The following DCP2 variants were observed in gnomAD, a reference collection of about 807,000 sequenced individuals.
DCP2 encodes the protein decapping mRNA 2.
A neutral mutation model predicts 56.1 loss-of-function variants in DCP2; 30 were observed. The observed-to-expected ratio is 0.53, with a 90% confidence interval of 0.40 to 0.73. DCP2 has a LOEUF of 0.73. DCP2 is among the 30% of genes least tolerant of loss of function. The pLI, the probability that DCP2 is intolerant of heterozygous loss-of-function variation, is 0.00. For missense variants in DCP2, 533 were observed against 502.7 expected, an observed-to-expected ratio of 1.06 and a Z score of -0.58; for synonymous variants, 197 against 163.3, an observed-to-expected ratio of 1.21 and a Z score of -1.57.
intron 4 of DCP2, among the ~76,000 whole-genome samples, chr5:112,997,832 C>G (rs964522285): frequency 1.3e-5 from 2 of 152,096 alleles, no homozygotes; most frequent in African/African-American, 4.8e-5. Flanking sequence ...CCAGGCTGGT[C>G]TTGAACTCCT....
At chr5:112,991,728 T>C (rs1415403244) in intron 2 of DCP2, among the ~76,000 whole-genome samples, 1 of 152,200 alleles carries the variant, frequency 6.6e-6, no homozygotes, top group African/African-American at 2.4e-5. Flanking sequence ...GTTATTACGC[T>C]AATATATATA....
Position 113,001,410 on chromosome 5 carries a change from C to G in DCP2, c.639C>G (p.Thr213=). Residue 213 remains threonine (T), a synonymous_variant, in exon 6 of 11, where the codon ACC becomes ACG. Transcript: ENST00000389063. ...TGCCTTGTCATAGAAATGATATGAC[C>G]CCCAAATCCAAACTTGGTTTGGCAC... ...EKLPCHRNDM[T]PKSKLGLAPN... 1 of 1,613,848 alleles carries G rather than the reference C, an allele frequency of 6.2e-7. No homozygotes were observed. Among genetic ancestry groups the G allele is most frequent in the Non-Finnish European group, 8.5e-7 (1 of 1,179,974 alleles).
chr5:112,998,922 T>C (rs1375480667), intron 4 of DCP2, among the ~76,000 whole-genome samples: 1 of 152,240 alleles, frequency 6.6e-6, no homozygotes, highest in Non-Finnish European at 1.5e-5. Flanking sequence ...TGTTATCTAA[T>C]GGACAGTTCA....
At chr5:113,006,608 A>G (rs1749448568) in intron 8 of DCP2, among the ~76,000 whole-genome samples, 1 of 152,178 alleles carries the variant, frequency 6.6e-6, no homozygotes, top group African/African-American at 2.4e-5. Context: ...AATGTAAATT[A>G]ACATTCTTAT....
rs756125676 is a variant in DCP2 at position 112,976,803 on chromosome 5, C to T, written c.-131C>T. On this transcript the variant is annotated 5_prime_UTR_variant, in exon 1 of 11. Coordinates refer to ENST00000389063, the MANE Select transcript of DCP2 (RefSeq NM_152624.6). ...GGGTCCCGCCCCTTCCCCTTCTCGTCTCCGTTGGAGTCGTCTCTGCCGCGG... is the reference window on the plus strand; with the variant it reads ...GGGTCCCGCCCCTTCCCCTTCTCGTTTCCGTTGGAGTCGTCTCTGCCGCGG... 4 of 921,364 alleles carry T rather than the reference C, an allele frequency of 4.3e-6. No homozygotes were observed. The highest frequency in any genetic ancestry group is 7.3e-6 in the Non-Finnish European group (4 of 547,190). 57.1% of individuals were successfully genotyped at this position (921,364 alleles called of 1,614,324 possible).
chr5:112,992,338 G>A (rs573805940), intron 3 of DCP2, 90 bp downstream of exon 3: 3 of 1,482,540 alleles, frequency 2.0e-6, no homozygotes, highest in East Asian at 2.4e-5. Context: ...TCTAAATTGA[G>A]GTTTTAAAAT....
At chr5:112,999,197 A>G (rs1749008501) in intron 4 of DCP2, among the ~76,000 whole-genome samples, 1 of 152,264 alleles carries the variant, frequency 6.6e-6, no homozygotes, top group African/African-American at 2.4e-5. Flanking sequence ...ATTTCCAATT[A>G]TGCAGATTCA....
At chr5:113,001,545 T>A in intron 6 of DCP2, 22 bp from the exon 7 acceptor site, 1 of 1,612,324 alleles carries the variant, frequency 6.2e-7, no homozygotes, top group Non-Finnish European at 8.5e-7. Context: ...ATTTTGAAAG[T>A]GAATTCTTAA....
Position 112,997,928 on chromosome 5 carries a change from TA to T in DCP2, c.433-3148del, listed in dbSNP as rs553901785. Reference sequence around the variant, plus strand: ...GAGCCTGGCCCTTTGGGTAACACTTTAAAAAAAATTTTATTTGTGGATTTTT... The same window carrying T: ...GAGCCTGGCCCTTTGGGTAACACTTTAAAAAAATTTTATTTGTGGATTTTT... On this transcript the variant is annotated intron_variant, in intron 4 of 10. Transcript: ENST00000389063. Among the ~76,000 whole-genome samples, 32 of 152,180 alleles carry T rather than the reference TA, an allele frequency of 2.1e-4. No individual in the cohort carries two copies. The East Asian group carries it at 5.8e-3, about 28-fold the overall frequency.
At chr5:112,990,040 A>C (rs772673590) in intron 2 of DCP2, among the ~76,000 whole-genome samples, 1 of 152,200 alleles carries the variant, frequency 6.6e-6, no homozygotes, top group Non-Finnish European at 1.5e-5. Context: ...AATAGTGCCT[A>C]ATTCAAAGGG....
At chr5:113,003,801 G>A in intron 7 of DCP2, 141 bp from the exon 8 acceptor site, 2 of 916,694 alleles carry the variant, frequency 2.2e-6, no homozygotes, top group Non-Finnish European at 3.3e-6. Flanking sequence ...TAAAATCTCT[G>A]CTCTCATAGA....
chr5:112,999,171 A>C (rs140025026), intron 4 of DCP2, among the ~76,000 whole-genome samples: 143 of 152,324 alleles, frequency 9.4e-4, no homozygotes, highest in African/African-American at 3.2e-3. Flanking sequence ...AGATTATACA[A>C]TTTACTTTTA....
At chr5:112,984,643 C>G (rs1373976169) in intron 1 of DCP2, 6 of 143,836 alleles carry the variant, frequency 4.2e-5, no homozygotes, top group African/African-American at 1.1e-4. Flanking sequence ...ATTAAAATGC[C>G]TTTTGCTACT....
chr5:113,020,225 A>G lies in DCP2; in HGVS notation c.*6741A>G, dbSNP rs191972476. The G allele has an allele frequency of 5.9e-3, 904 of 152,352 alleles. 10 individuals carry two copies. The highest frequency in any genetic ancestry group is 0.021 in the African/African-American group (875 of 41,592). The allele number at this position is 152,352 out of a possible 1,614,324, so 9.4% of individuals were successfully genotyped here. A position where few individuals can be genotyped will look rare whatever the true frequency, so the allele number is the denominator to read the frequency against. On this transcript the variant is annotated 3_prime_UTR_variant, in exon 11 of 11. Transcript: ENST00000389063. ...ATGAAAAAACCAGACTTTAGAGTAA[A>G]TGTGATAACCAAGTAGATTTGTGAA...
intron 7 of DCP2, among the ~76,000 whole-genome samples, chr5:113,002,866 G>A (rs936914494): frequency 1.3e-5 from 2 of 152,088 alleles, no homozygotes; most frequent in South Asian, 4.2e-4. Context: ...TACAGAGTAG[G>A]CTGGGAAAGT....
In DCP2 at chr5:113,018,091, A is replaced by T. The variant is rs1749963916; in HGVS notation, c.*4607A>T. ...AATCTGCTTTGGTGTCAGTCACATC[A>T]CAGTGGTTATACATTTGTCCTGAAT... On this transcript the variant is annotated 3_prime_UTR_variant, in exon 11 of 11. Coordinates refer to ENST00000389063, the MANE Select transcript of DCP2 (RefSeq NM_152624.6). 6.6e-6 allele frequency: 1 copy of T among 152,224 alleles called. No homozygotes were observed. The highest frequency in any genetic ancestry group is 1.5e-5 in the Non-Finnish European group (1 of 68,036). 9.4% of individuals were successfully genotyped at this position (152,224 alleles called of 1,614,324 possible). A position where few individuals can be genotyped will look rare whatever the true frequency, so the allele number is the denominator to read the frequency against.
At chr5:112,997,683 C>A (rs960861766) in intron 4 of DCP2, among the ~76,000 whole-genome samples, 3 of 149,234 alleles carry the variant, frequency 2.0e-5, no homozygotes, top group Non-Finnish European at 4.4e-5. Context: ...GATCTCAGTT[C>A]ACTGCACCCC....
At chr5:113,008,257 AT>A in intron 9 of DCP2, 1 of 409,722 alleles carries the variant, frequency 2.4e-6, no homozygotes. Flanking sequence ...TGTACATCTA[AT>A]TTTTTATGTG....
At chr5:112,993,641 C>CA (rs75863144) in intron 4 of DCP2, among the ~76,000 whole-genome samples, 90 of 115,476 alleles carry the variant, frequency 7.8e-4, no homozygotes, top group Middle Eastern at 4.5e-3. Context: ...AAAAAAAAAC[C>CA]AAAAAAAAAA....
Sources: gnomAD v4.1 joint callset for allele counts (sites outside exome capture counted in the v4.1 genomes callset) on GRCh38, gnomAD v4.1.1 for gene constraint, MANE v1.5 for transcripts, NCBI Gene and HGNC (gene_info 2026-07-23, HGNC 2026-07-21) for gene names.